The following PRPF4 variants were observed in gnomAD, a reference collection of about 807,000 sequenced individuals.
PRPF4 encodes the protein U4/U6 small nuclear ribonucleoprotein Prp4.
A neutral mutation model predicts 72.2 loss-of-function variants in PRPF4; 14 were observed. That is an observed-to-expected ratio of 0.19 (90% CI 0.13 to 0.30). The LOEUF is 0.30. Among genes scored for constraint, PRPF4 ranks in the 10% least tolerant of loss-of-function variants. The probability of loss-of-function intolerance (pLI) is 1.00; values close to 1 mark genes in which losing one functional copy is unlikely to be tolerated. For synonymous variants in PRPF4, 225 were observed against 232.2 expected, an observed-to-expected ratio of 0.97 and a Z score of 0.28; for missense variants, 478 against 653.9, an observed-to-expected ratio of 0.73 and a Z score of 2.93.
chr9:113,285,135 G>A (rs1022841559), intron 7 of PRPF4, among the ~76,000 whole-genome samples: 1 of 151,600 alleles, frequency 6.6e-6, no homozygotes, highest in Non-Finnish European at 1.5e-5. Context: ...TCACAGGTCT[G>A]TTAGAAAGAT....
chr9:113,286,123 T>G, intron 7 of PRPF4, 109 bp from the exon 8 acceptor site: 2 of 1,243,112 alleles, frequency 1.6e-6, no homozygotes, highest in Admixed American at 1.9e-5. Flanking sequence ...TGTCAGCCAT[T>G]GTAAAGTTTA....
At position 113,283,433 on chromosome 9, in the gene PRPF4, C is replaced by G; in HGVS notation, c.605C>G (p.Pro202Arg). ...LEEARLHKEI[P>R]ETTRTSQMQE... is the part of the protein sequence containing the mutation. ...GAGGCCCGACTCCATAAGGAGATTCCTGAGACAACAAGGACCTCCCAGATG... is the reference window on the plus strand; with the variant it reads ...GAGGCCCGACTCCATAAGGAGATTCGTGAGACAACAAGGACCTCCCAGATG... Residue 202 changes from proline to arginine, a missense_variant, in exon 6 of 14, where the codon CCT becomes CGT. By Grantham distance (103) the Pro-to-Arg change is moderately radical. Transcript: ENST00000374198. 6.2e-7 allele frequency: 1 copy of G among 1,614,138 alleles called. No individual in the cohort carries two copies. Among genetic ancestry groups the G allele is most frequent in the Non-Finnish European group, 8.5e-7 (1 of 1,180,008 alleles).
chr9:113,283,245 A>G (rs1241081320), intron 5 of PRPF4, 34 bp downstream of exon 5: 5 of 1,613,964 alleles, frequency 3.1e-6, no homozygotes, highest in Admixed American at 1.7e-5. Flanking sequence ...AAAGAAGCAT[A>G]TTTTTTGTGT....
Position 113,288,276 on chromosome 9 carries a change from T to C in PRPF4, c.1022+12T>C. ...CTGGGCACCACCTGGTGAGCCATCC[T>C]GTTATTGTTTTATCCATATAGGCCT... On this transcript the variant is annotated intron_variant, in intron 10 of 13. Coordinates refer to ENST00000374198, the MANE Select transcript of PRPF4 (RefSeq NM_001244926.2). 6.2e-7 allele frequency: 1 copy of C among 1,613,018 alleles called. No individual in the cohort carries two copies. Among genetic ancestry groups the C allele is most frequent in the Non-Finnish European group, 8.5e-7 (1 of 1,179,084 alleles).
Position 113,291,010 on chromosome 9 carries a change from T to A in PRPF4, c.1366T>A (p.Phe456Ile). ...AHQNLVTGVK[F>I]EPIHGNFLLT... ...TCAGAACTTAGTGACTGGTGTCAAG[T>A]TTGAGCGTAAGCTTTCCTCCTATTT... Residue 456 changes from phenylalanine to isoleucine, a missense_variant, in exon 13 of 14, where the codon TTT becomes ATT. Physicochemically the swap from Phe to Ile is conservative, Grantham distance 21. Coordinates refer to ENST00000374198, the MANE Select transcript of PRPF4 (RefSeq NM_001244926.2). 2 of 1,612,616 alleles carry A rather than the reference T, an allele frequency of 1.2e-6. No homozygotes were observed. The highest frequency in any genetic ancestry group is 1.7e-6 in the Non-Finnish European group (2 of 1,178,584).
At chr9:113,286,609 A>G (rs1255389136) in intron 8 of PRPF4, 96 bp from the exon 9 acceptor site, 14 of 1,394,138 alleles carry the variant, frequency 1.0e-5, no homozygotes, top group Non-Finnish European at 1.3e-5. Flanking sequence ...TTGAATAGTC[A>G]CTTGAATACT....
chr9:113,288,060 A>G, intron 9 of PRPF4, 115 bp from the exon 10 acceptor site: 1 of 876,436 alleles, frequency 1.1e-6, no homozygotes, highest in East Asian at 2.8e-5. Flanking sequence ...TTACAAGTGT[A>G]GTTACAATTT....
intron 2 of PRPF4, among the ~76,000 whole-genome samples, chr9:113,277,944 G>A (rs1381494984): frequency 6.6e-6 from 1 of 152,042 alleles, no homozygotes; most frequent in Non-Finnish European, 1.5e-5. Flanking sequence ...CTGTGCCACT[G>A]CACTCCAGCC....
chr9:113,280,945 A>G (rs1832263229), intron 3 of PRPF4, among the ~76,000 whole-genome samples: 2 of 151,836 alleles, frequency 1.3e-5, no homozygotes, highest in South Asian at 2.1e-4. Flanking sequence ...GGTACAAGCC[A>G]TTCTCCTGCC....
chr9:113,275,900 C>T (rs10116039), intron 1 of PRPF4, 130 bp downstream of exon 1: 370,628 of 1,259,672 alleles, frequency 0.29, 57,770 homozygotes, highest in African/African-American at 0.54. Context: ...CGGGACTCAG[C>T]GGTGTCCTAC....
chr9:113,290,694 T>G lies in PRPF4; in HGVS notation c.1146-6T>G, dbSNP rs1832584191. 6.2e-7 allele frequency: 1 copy of G among 1,614,076 alleles called. No homozygotes were observed. The highest frequency in any genetic ancestry group is 1.7e-5 in the Admixed American group (1 of 60,010). ...CAAAGTGTTCATTTCTAAATTATTT[T>G]CTCAGGGGACTGGATGCATTTGGTC... On this transcript the variant is annotated splice_polypyrimidine_tract_variant and splice_region_variant and intron_variant, in intron 11 of 13. Coordinates refer to ENST00000374198, the MANE Select transcript of PRPF4 (RefSeq NM_001244926.2).
chr9:113,286,655 G>C (rs1439436782), intron 8 of PRPF4, 50 bp from the exon 9 acceptor site: 2 of 1,611,904 alleles, frequency 1.2e-6, no homozygotes, highest in Admixed American at 1.7e-5. Flanking sequence ...TATAACATGG[G>C]TTATAAAGAG....
At chr9:113,276,766 A>G in intron 2 of PRPF4, 41 bp downstream of exon 2, 1 of 1,546,774 alleles carries the variant, frequency 6.5e-7, no homozygotes, top group Non-Finnish European at 8.7e-7. Context: ...CTCTTTGTGT[A>G]ATGAATACCT....
Position 113,275,707 on chromosome 9 carries a change from C to G in PRPF4, c.-37C>G. On this transcript the variant is annotated 5_prime_UTR_variant, in exon 1 of 14. Transcript: ENST00000374198. Reference sequence around the variant, plus strand: ...GGTGGACGGTCTGAAAGGGAGTGTTCGGGTTTCGCTGGGGCCTCGCGGCTC... The same window carrying G: ...GGTGGACGGTCTGAAAGGGAGTGTTGGGGTTTCGCTGGGGCCTCGCGGCTC... 1 of 1,605,042 alleles carries G rather than the reference C, an allele frequency of 6.2e-7. No homozygotes were observed. Among genetic ancestry groups the G allele is most frequent in the Non-Finnish European group, 8.5e-7 (1 of 1,175,542 alleles).
rs1298742838 is a variant in PRPF4, at chr9:113,291,853, T to A, written c.*193T>A. On this transcript the variant is annotated 3_prime_UTR_variant, in exon 14 of 14. Coordinates refer to ENST00000374198, the MANE Select transcript of PRPF4 (RefSeq NM_001244926.2). ...CAATCCCTAGGTGATGGGGAACCCCTCTCACGGTTGAAAATTTATTACCTT... is the reference window on the plus strand; with the variant it reads ...CAATCCCTAGGTGATGGGGAACCCCACTCACGGTTGAAAATTTATTACCTT... 9 of 566,610 alleles carry A rather than the reference T, an allele frequency of 1.6e-5. No homozygotes were observed. The highest frequency in any genetic ancestry group is 4.7e-4 in the Middle Eastern group (1 of 2,128). 35.1% of individuals were successfully genotyped at this position (566,610 alleles called of 1,614,324 possible).
In PRPF4 at chr9:113,276,550, A is replaced by C. The variant is rs1832102189; in HGVS notation, c.30A>C (p.Ala10=). 1 of 1,614,058 alleles carries C rather than the reference A, an allele frequency of 6.2e-7. No homozygotes were observed. The change falls in exon 2 of 14, where the codon GCA becomes GCC. Residue 10 remains alanine, a splice_region_variant and synonymous_variant. Transcript: ENST00000374198. Reference sequence around the variant, plus strand: ...AATGCAGATCTTTGATTTAGCAGGCAACCAAAACTAAAGCACCCGACGACT... The same window carrying C: ...AATGCAGATCTTTGATTTAGCAGGCCACCAAAACTAAAGCACCCGACGACT... MASSRASST[A]TKTKAPDDLV...
chr9:113,283,366 G>A (rs746543234), intron 5 of PRPF4, 23 bp from the exon 6 acceptor site: 44 of 1,614,052 alleles, frequency 2.7e-5, no homozygotes, highest in South Asian at 1.6e-4. Context: ...GTTGCTCCTG[G>A]TGATGGTGTT....
chr9:113,279,217 T>C (rs1832198328), intron 3 of PRPF4, 86 bp downstream of exon 3: 1 of 1,171,210 alleles, frequency 8.5e-7, no homozygotes, highest in African/African-American at 1.6e-5. Context: ...AGTTGAACTT[T>C]AATAGAATGT....
chr9:113,289,051 C>G (rs906176068), intron 10 of PRPF4, among the ~76,000 whole-genome samples: 1 of 152,202 alleles, frequency 6.6e-6, no homozygotes, highest in Non-Finnish European at 1.5e-5. Flanking sequence ...CCAGCCAACT[C>G]CCCCTTCTAA....
Sources: gnomAD v4.1 joint callset for allele counts (sites outside exome capture counted in the v4.1 genomes callset) on GRCh38, gnomAD v4.1.1 for gene constraint, MANE v1.5 for transcripts, NCBI Gene and HGNC (gene_info 2026-07-23, HGNC 2026-07-21) for gene names.